Variants in HMBOX1 observed in about 807,000 individuals in gnomAD.
HMBOX1 encodes the protein homeobox containing 1.
Under a neutral mutation model 54.5 loss-of-function variants are expected in HMBOX1, and 14 were observed. The ratio of observed to expected loss-of-function variants is 0.26; its 90% CI spans 0.17 to 0.40. HMBOX1 has a LOEUF of 0.40. Among genes scored for constraint, HMBOX1 ranks in the 10% least tolerant of loss-of-function variants. The probability of loss-of-function intolerance (pLI) is 1.00; values close to 1 mark genes in which losing one functional copy is unlikely to be tolerated. For synonymous variants in HMBOX1, 160 were observed against 181.0 expected (o/e 0.88, Z 0.93); for missense variants, 332 against 514.4 (o/e 0.65, Z 3.43).
chr8:29,030,511 G>A (rs184189777), intron 6 of HMBOX1, among the ~76,000 whole-genome samples: 12 of 152,246 alleles, frequency 7.9e-5, no homozygotes, highest in African/African-American at 1.7e-4. Flanking sequence ...GAGCCACAAC[G>A]CCCGGCCGGT....
At chr8:28,902,118 C>T (rs1448722423) in intron 1 of HMBOX1, among the ~76,000 whole-genome samples, 2 of 152,092 alleles carry the variant, frequency 1.3e-5, no homozygotes, top group Non-Finnish European at 2.9e-5. Context: ...GAATTGGATT[C>T]CTAGTTGAAG....
chr8:28,949,341 G>T (rs182512150), intron 1 of HMBOX1, among the ~76,000 whole-genome samples: 125 of 152,264 alleles, frequency 8.2e-4, no homozygotes, highest in African/African-American at 2.9e-3. Flanking sequence ...ACAGAGTTTG[G>T]CCTGCAAGGC....
chr8:28,993,202 C>G (rs1184324371), intron 4 of HMBOX1, among the ~76,000 whole-genome samples: 2 of 151,894 alleles, frequency 1.3e-5, no homozygotes, highest in Non-Finnish European at 2.9e-5. Flanking sequence ...TGCCTTTATT[C>G]CACACAAAAT....
At position 28,946,805 on chromosome 8, in the gene HMBOX1, G is replaced by A. The variant is rs137943809; in HGVS notation, c.-57-17006G>A. On this transcript the variant is annotated intron_variant, in intron 1 of 9. Coordinates refer to ENST00000287701, the MANE Select transcript of HMBOX1 (RefSeq NM_001135726.3). ...ATCCATAGTACAATGGGTACTTTGT[G>A]AGACCTCGTTATATTTGGTTGCATA... Among the ~76,000 whole-genome samples the A allele has an allele frequency of 3.3e-3, 496 of 152,234 alleles. 3 individuals carry two copies. The highest frequency in any genetic ancestry group is 0.011 in the African/African-American group (470 of 41,534).
At chr8:28,892,944 A>G (rs539702061) in intron 1 of HMBOX1, among the ~76,000 whole-genome samples, 15 of 152,182 alleles carry the variant, frequency 9.9e-5, no homozygotes, top group Admixed American at 2.0e-4. Flanking sequence ...TCTGAAGCAT[A>G]TTATAATAGT....
At chr8:28,958,638 G>A (rs1479579990) in intron 1 of HMBOX1, among the ~76,000 whole-genome samples, 3 of 152,044 alleles carry the variant, frequency 2.0e-5, no homozygotes, top group African/African-American at 7.2e-5. Context: ...ATTATTTTAT[G>A]CATATAAAAG....
chr8:28,899,876 G>A (rs1812874424), intron 1 of HMBOX1, among the ~76,000 whole-genome samples: 1 of 152,126 alleles, frequency 6.6e-6, no homozygotes, highest in African/African-American at 2.4e-5. Flanking sequence ...GAGTCACAGA[G>A]TTCTAAGCAC....
intron 4 of HMBOX1, among the ~76,000 whole-genome samples, chr8:29,002,407 T>C (rs558511283): frequency 6.6e-6 from 1 of 152,304 alleles, no homozygotes; most frequent in Admixed American, 6.5e-5. Flanking sequence ...TTGTGCCACA[T>C]TTGTTGGTTG....
At chr8:29,004,085 C>T (rs1244839008) in intron 4 of HMBOX1, among the ~76,000 whole-genome samples, 2 of 151,928 alleles carry the variant, frequency 1.3e-5, no homozygotes, top group East Asian at 3.9e-4. Flanking sequence ...GTAGAGTGAA[C>T]AGTAAAATTG....
At chr8:28,930,785 T>G (rs1053328531) in intron 1 of HMBOX1, among the ~76,000 whole-genome samples, 5 of 152,238 alleles carry the variant, frequency 3.3e-5, no homozygotes, top group African/African-American at 1.2e-4. Context: ...CATTCACTTC[T>G]TTGAATCAGT....
At position 29,051,195 on chromosome 8, in the gene HMBOX1, G is replaced by A. The variant is rs772505164; in HGVS notation, c.*40G>A. On this transcript the variant is annotated 3_prime_UTR_variant, in exon 10 of 10. Transcript: ENST00000287701. ...CATGACAAGTTAACTTAGTTTAGAC[G>A]TAGCACCTTAGCAGACTTTCCTCGG... is the stretch of plus-strand genomic sequence containing the variant. The A allele has an allele frequency of 3.1e-6, 5 of 1,606,840 alleles. No individual in the cohort carries two copies. Among genetic ancestry groups the A allele is most frequent in the South Asian group, 2.2e-5 (2 of 90,328 alleles).
intron 6 of HMBOX1, among the ~76,000 whole-genome samples, chr8:29,038,182 G>A (rs1222777888): frequency 1.3e-5 from 2 of 151,924 alleles, no homozygotes; most frequent in Non-Finnish European, 2.9e-5. Flanking sequence ...AGTGGTTCAA[G>A]GACATTTCCA....
At position 28,963,824 on chromosome 8, in the gene HMBOX1, G is replaced by A. The variant is rs751059743; in HGVS notation, c.-44G>A. ...TTTGTTCTACAGAATGGTAGATAAC[G>A]CAGATCATCTCTGGAAAGGATATTG... On this transcript the variant is annotated 5_prime_UTR_variant, in exon 2 of 10. Coordinates refer to ENST00000287701, the MANE Select transcript of HMBOX1 (RefSeq NM_001135726.3). 2.0e-5 allele frequency: 31 copies of A among 1,521,730 alleles called. No individual in the cohort carries two copies. The highest frequency in any genetic ancestry group is 4.6e-5 in the East Asian group (2 of 43,912). 94.3% of individuals were successfully genotyped at this position (1,521,730 alleles called of 1,614,324 possible).
intron 7 of HMBOX1, among the ~76,000 whole-genome samples, 185 bp from the exon 8 acceptor site, chr8:29,047,173 A>G (rs1430716929): frequency 6.6e-6 from 1 of 152,168 alleles, no homozygotes; most frequent in Non-Finnish European, 1.5e-5. Flanking sequence ...TCATTTACAT[A>G]TTTATTCATT....
intron 3 of HMBOX1, among the ~76,000 whole-genome samples, chr8:28,975,110 A>C (rs572514444): frequency 2.8e-4 from 42 of 152,324 alleles, no homozygotes; most frequent in African/African-American, 9.6e-4. Context: ...TCCATTTTAC[A>C]ACCTTTTATC....
At position 28,986,467 on chromosome 8, in the gene HMBOX1, T is replaced by C. The variant is rs755756920; in HGVS notation, c.586+6311T>C. The stretch of plus-strand genomic sequence containing the variant: ...ATTATAATACAACCAGAAATAATTA[T>C]CTTGCTTATTTAACAAGATTTTATG... On this transcript the variant is annotated intron_variant, in intron 4 of 9. Coordinates refer to ENST00000287701, the MANE Select transcript of HMBOX1 (RefSeq NM_001135726.3). 3.3e-5 allele frequency among the ~76,000 whole-genome samples: 5 copies of C among 152,364 alleles called. No homozygotes were observed. In the South Asian group the frequency reaches 8.3e-4, roughly 25 times the overall value.
intron 5 of HMBOX1, among the ~76,000 whole-genome samples, chr8:29,017,024 G>A (rs1171823469): frequency 5.3e-5 from 8 of 152,234 alleles, no homozygotes; most frequent in Admixed American, 4.6e-4. Context: ...GGGACTGAAT[G>A]TCTGAGGCCT....
intron 5 of HMBOX1, among the ~76,000 whole-genome samples, chr8:29,013,637 C>G (rs890265050): frequency 1.3e-5 from 2 of 152,106 alleles, no homozygotes; most frequent in African/African-American, 4.8e-5. Context: ...GAAAGCCTGC[C>G]AAGGCATATT....
chr8:28,967,956 T>G (rs1826723151), intron 2 of HMBOX1, among the ~76,000 whole-genome samples: 1 of 152,252 alleles, frequency 6.6e-6, no homozygotes, highest in African/African-American at 2.4e-5. Flanking sequence ...TGTTTTATTT[T>G]TATGAGCTTG....
Sources: gnomAD v4.1 joint callset for allele counts (sites outside exome capture counted in the v4.1 genomes callset) on GRCh38, gnomAD v4.1.1 for gene constraint, MANE v1.5 for transcripts, NCBI Gene and HGNC (gene_info 2026-07-23, HGNC 2026-07-21) for gene names.